MECOM: variants seen among roughly 807,000 people sequenced by gnomAD.
MECOM encodes MDS1 and EVI1 complex locus, also known as histone-lysine N-methyltransferase MECOM.
In MECOM, 13 loss-of-function variants were observed where a neutral mutation model predicts 116.3. The observed-to-expected ratio is 0.11, with a 90% CI of 0.07 to 0.18. MECOM has a LOEUF of 0.18. Among genes scored for constraint, MECOM ranks in the 10% least tolerant of loss-of-function variants. MECOM has a pLI of 1.00. For synonymous variants in MECOM, 528 were observed against 535.2 expected (o/e 0.99, Z 0.19); for missense variants, 1,299 against 1,509.0 (o/e 0.86, Z 2.31).
chr3:169,311,371 C>T lies in MECOM; in HGVS notation c.375+69816G>A, dbSNP rs186563899. 1.0e-3 allele frequency among the ~76,000 whole-genome samples: 153 copies of T among 152,266 alleles called. 1 individual carries two copies. Among genetic ancestry groups the T allele is most frequent in the African/African-American group, 3.5e-3 (145 of 41,560 alleles). On this transcript the variant is annotated intron_variant, in intron 2 of 16. Coordinates refer to ENST00000651503, the MANE Select transcript of MECOM (RefSeq NM_004991.4). ...ATACTTTCTTTAAATGGGACTTTCTCTCAAAATAAACAAATAGCTGAAAAC... is the reference window on the plus strand; with the variant it reads ...ATACTTTCTTTAAATGGGACTTTCTTTCAAAATAAACAAATAGCTGAAAAC...
chr3:169,525,649 G>A (rs931461394), intron 1 of MECOM, among the ~76,000 whole-genome samples: 3 of 152,188 alleles, frequency 2.0e-5, no homozygotes, highest in African/African-American at 4.8e-5. Flanking sequence ...TCTACTTAAG[G>A]AAAAGCATAT....
chr3:169,633,943 G>T (rs1772410339), intron 1 of MECOM, among the ~76,000 whole-genome samples: 1 of 151,564 alleles, frequency 6.6e-6, no homozygotes. Context: ...GCGACAGGCA[G>T]CAGGGGAGGA....
intron 1 of MECOM, among the ~76,000 whole-genome samples, chr3:169,433,888 G>T (rs1298288519): frequency 6.6e-6 from 1 of 152,108 alleles, no homozygotes; most frequent in Non-Finnish European, 1.5e-5. Flanking sequence ...ATTTGGAGAA[G>T]CACCTATCTA....
rs1348370612 is a variant in MECOM, at chr3:169,421,814, AAGGTAAG to A, written c.38-40297_38-40291del. Among the ~76,000 whole-genome samples, 4 of 152,216 alleles carry A rather than the reference AAGGTAAG, an allele frequency of 2.6e-5. No homozygotes were observed. In the East Asian group the frequency reaches 7.7e-4, roughly 29 times the overall value. ...ATTTCTAAGTTAGCAACTTCCCCAG[AAGGTAAG>A]AGGTGAGAGCCTGAAGAATAAATAG... On this transcript the variant is annotated intron_variant, in intron 1 of 16. Coordinates refer to ENST00000651503, the MANE Select transcript of MECOM (RefSeq NM_004991.4).
chr3:169,558,455 C>A (rs750324836), intron 1 of MECOM, among the ~76,000 whole-genome samples: 15 of 152,146 alleles, frequency 9.9e-5, no homozygotes, highest in Non-Finnish European at 1.6e-4. Context: ...CATGGCTTAC[C>A]TTTTCCTATA....
chr3:169,386,260 A>G (rs375242481), intron 1 of MECOM, among the ~76,000 whole-genome samples: 13 of 152,204 alleles, frequency 8.5e-5, no homozygotes, highest in Admixed American at 8.5e-4. Context: ...ACTTCCATAG[A>G]TGTATCCACA....
intron 1 of MECOM, among the ~76,000 whole-genome samples, chr3:169,510,809 G>A (rs1295763578): frequency 6.6e-6 from 1 of 152,190 alleles, no homozygotes; most frequent in Non-Finnish European, 1.5e-5. Context: ...GCTAAATGCT[G>A]TGGCAGGGAG....
intron 1 of MECOM, among the ~76,000 whole-genome samples, chr3:169,445,656 C>T (rs1380187740): frequency 6.6e-6 from 1 of 152,092 alleles, no homozygotes. Context: ...GAGAAGGGGA[C>T]CACCATCCTC....
At chr3:169,171,702 T>C (rs1230132240) in intron 2 of MECOM, among the ~76,000 whole-genome samples, 1 of 152,060 alleles carries the variant, frequency 6.6e-6, no homozygotes, top group Non-Finnish European at 1.5e-5. Context: ...GATGAAAATA[T>C]ATAATAACAA....
intron 1 of MECOM, among the ~76,000 whole-genome samples, chr3:169,650,279 G>C (rs898458304): frequency 2.0e-5 from 3 of 152,142 alleles, no homozygotes; most frequent in African/African-American, 4.8e-5. Flanking sequence ...AAATTATTGT[G>C]GGTAATTTTT....
intron 3 of MECOM, among the ~76,000 whole-genome samples, chr3:169,134,490 C>T (rs184461260): frequency 1.0e-3 from 155 of 152,230 alleles, no homozygotes; most frequent in East Asian, 7.5e-3. Flanking sequence ...TTTTATGGTG[C>T]TCATGAAACT....
rs756715943 is a variant in MECOM at position 169,090,117 on chromosome 3, T to C, written c.3284A>G (p.Asp1095Gly). 134 of 1,613,556 alleles carry C rather than the reference T, an allele frequency of 8.3e-5. No homozygotes were observed. Among genetic ancestry groups the C allele is most frequent in the Non-Finnish European group, 1.1e-4 (130 of 1,179,690 alleles). Residue 1095 changes from aspartate (D) to glycine (G), a missense_variant, in exon 15 of 17, where the codon GAT becomes GGT. Around this residue, in one of 6 missense-constraint regions of MECOM, gnomAD observed 273 missense variants for 289.3 expected, o/e 0.94. Coordinates refer to ENST00000651503, the MANE Select transcript of MECOM (RefSeq NM_004991.4). ...TTCCTTTCCTGTTTTTCCAGTAATA[T>C]CATTGTCTTCATCCTCCTCATCTAA... Reference protein sequence around the residue: ...VLLDEEDEDNDITGKTGKEPV... With the variant: ...VLLDEEDEDNGITGKTGKEPV...
At chr3:169,176,833 G>C (rs1745233965) in intron 2 of MECOM, among the ~76,000 whole-genome samples, 1 of 152,044 alleles carries the variant, frequency 6.6e-6, no homozygotes, top group Non-Finnish European at 1.5e-5. Flanking sequence ...CTCAAAATAA[G>C]ACATTTATGG....
intron 1 of MECOM, chr3:169,464,212 T>G (rs1181151424): frequency 1.3e-5 from 2 of 152,230 alleles, no homozygotes; most frequent in South Asian, 2.1e-4. Flanking sequence ...TTTGGAGTTT[T>G]GCTAACATTT....
At chr3:169,561,459 C>G (rs79315762) in intron 1 of MECOM, among the ~76,000 whole-genome samples, 1,742 of 152,176 alleles carry the variant, frequency 0.011, 30 homozygotes, top group African/African-American at 0.032. Context: ...CAAAAGCATA[C>G]TGTTGATAAG....
chr3:169,144,333 T>C (rs928648881), intron 2 of MECOM, among the ~76,000 whole-genome samples: 1 of 152,126 alleles, frequency 6.6e-6, no homozygotes, highest in Non-Finnish European at 1.5e-5. Flanking sequence ...AAGGAGATAA[T>C]AAGATTTGTC....
intron 1 of MECOM, among the ~76,000 whole-genome samples, chr3:169,482,389 CG>C (rs1441823662): frequency 7.0e-6 from 1 of 142,622 alleles, no homozygotes; most frequent in African/African-American, 2.7e-5. Context: ...TGGAATGCAG[CG>C]GTGCAATCCG....
At chr3:169,100,785 A>C in intron 12 of MECOM, 100 bp downstream of exon 12, 3 of 651,348 alleles carry the variant, frequency 4.6e-6, no homozygotes, top group Non-Finnish European at 6.2e-6. Flanking sequence ...ATAAAATTTA[A>C]ACTTTAATTA....
intron 2 of MECOM, among the ~76,000 whole-genome samples, chr3:169,225,808 C>T (rs976624354): frequency 1.3e-5 from 2 of 152,156 alleles, no homozygotes; most frequent in African/African-American, 4.8e-5. Flanking sequence ...GGGGCTTTCA[C>T]CATATTGACC....
Sources: allele counts gnomAD v4.1 joint callset (sites outside exome capture counted in the v4.1 genomes callset), GRCh38; gene constraint gnomAD v4.1.1; regional missense constraint gnomAD v4.1.1; transcripts MANE v1.5; gene names NCBI Gene and HGNC (gene_info 2026-07-23, HGNC 2026-07-21).